LRGUK: variants seen among roughly 807,000 people sequenced by gnomAD.
The protein encoded by LRGUK is leucine rich repeats and guanylate kinase domain containing.
Under a neutral mutation model 76.0 loss-of-function variants are expected in LRGUK, and 65 were observed. That is an observed-to-expected ratio of 0.85 (90% confidence interval 0.70 to 1.05). The LOEUF (loss-of-function observed/expected upper bound fraction) is 1.05. LRGUK is among the 50% of genes least tolerant of loss of function. The pLI, the probability that LRGUK is intolerant of heterozygous loss-of-function variation, is 0.00. For synonymous variants in LRGUK, 268 were observed against 265.6 expected (o/e 1.01, Z -0.09); for missense variants, 758 against 732.8 (o/e 1.03, Z -0.40).
intron 5 of LRGUK, among the ~76,000 whole-genome samples, chr7:134,153,228 G>C (rs1241181122): frequency 6.6e-6 from 1 of 151,844 alleles, no homozygotes; most frequent in African/African-American, 2.4e-5. Context: ...AAAATCAGTT[G>C]AGCTAGTAAT....
chr7:134,258,193 CGT>C, intron 18 of LRGUK, 62 bp from the exon 19 acceptor site: 1 of 1,596,060 alleles, frequency 6.3e-7, no homozygotes, highest in South Asian at 1.1e-5. Context: ...AGGCATAGAT[CGT>C]GTGGCCATTA....
chr7:134,244,589 CT>C (rs1315325997), intron 16 of LRGUK, among the ~76,000 whole-genome samples: 1 of 152,172 alleles, frequency 6.6e-6, no homozygotes, highest in African/African-American at 2.4e-5. Context: ...AATAGGAATG[CT>C]TTTACACTGT....
intron 18 of LRGUK, among the ~76,000 whole-genome samples, chr7:134,251,747 T>C (rs1802452111): frequency 6.6e-6 from 1 of 152,206 alleles, no homozygotes; most frequent in South Asian, 2.1e-4. Context: ...CATCTATCAT[T>C]TGATAAAAAG....
intron 19 of LRGUK, among the ~76,000 whole-genome samples, chr7:134,261,172 T>C (rs1802715986): frequency 6.6e-6 from 1 of 152,184 alleles, no homozygotes; most frequent in African/African-American, 2.4e-5. Context: ...ATTTTGCTGA[T>C]ATACTGTAGT....
intron 4 of LRGUK, among the ~76,000 whole-genome samples, chr7:134,146,671 T>G (rs1797982784): frequency 6.6e-6 from 1 of 152,226 alleles, no homozygotes; most frequent in South Asian, 2.1e-4. Context: ...GCAATTGACT[T>G]CATCAGTTTT....
chr7:134,246,229 A>G (rs545355670), intron 16 of LRGUK, among the ~76,000 whole-genome samples: 76 of 152,220 alleles, frequency 5.0e-4, no homozygotes, highest in African/African-American at 1.8e-3. Context: ...ATCCCCCCCA[A>G]ATTTATACTG....
chr7:134,183,932 C>A, intron 11 of LRGUK, 79 bp downstream of exon 11: 1 of 1,514,762 alleles, frequency 6.6e-7, no homozygotes, highest in Non-Finnish European at 9.0e-7. Context: ...AGTAAAATCT[C>A]CGATATTGCT....
At chr7:134,148,207 A>G in intron 4 of LRGUK, 31 bp from the exon 5 acceptor site, 1 of 1,351,818 alleles carries the variant, frequency 7.4e-7, no homozygotes, top group Non-Finnish European at 1.0e-6. Context: ...TGAAATATTA[A>G]TATAACATCT....
At chr7:134,252,266 A>G (rs1802466280) in intron 18 of LRGUK, among the ~76,000 whole-genome samples, 1 of 151,956 alleles carries the variant, frequency 6.6e-6, no homozygotes, top group Non-Finnish European at 1.5e-5. Flanking sequence ...TGAACACAAG[A>G]GGTTAAAGCT....
rs1012788535 is a variant in LRGUK at position 134,199,546 on chromosome 7, G to T, written c.1747+125G>T. The T allele has an allele frequency of 3.1e-5, 23 of 737,832 alleles. 1 individual carries two copies. The African/African-American group carries it at 3.6e-4, about 11-fold the overall frequency. 45.7% of individuals were successfully genotyped at this position (737,832 alleles called of 1,614,324 possible). ...TTGTAACGGTGAATCACAAAGAGCTGCGAAAAGGGGTAAGAATCCAAGAGG... is the reference window on the plus strand; with the variant it reads ...TTGTAACGGTGAATCACAAAGAGCTTCGAAAAGGGGTAAGAATCCAAGAGG... On this transcript the variant is annotated intron_variant, in intron 14 of 15. Transcript: ENST00000645682.
chr7:134,221,964 A>G (rs767001050), intron 16 of LRGUK, 46 bp downstream of exon 16: 1 of 1,442,380 alleles, frequency 6.9e-7, no homozygotes, highest in Non-Finnish European at 9.1e-7. Flanking sequence ...AGCTCTATAC[A>G]ATGTCAGACA....
chr7:134,191,356 G>A (rs975208515), intron 11 of LRGUK, among the ~76,000 whole-genome samples: 48 of 152,182 alleles, frequency 3.2e-4, no homozygotes, highest in African/African-American at 1.2e-3. Context: ...TGAGTGATAA[G>A]TATTGATTTA....
chr7:134,252,811 C>A (rs1802481632), intron 18 of LRGUK, among the ~76,000 whole-genome samples: 1 of 152,114 alleles, frequency 6.6e-6, no homozygotes, highest in Admixed American at 6.5e-5. Flanking sequence ...CTATATCACC[C>A]CATTCCCTTA....
chr7:134,218,330 T>C (rs1801490703), intron 15 of LRGUK, among the ~76,000 whole-genome samples: 2 of 152,204 alleles, frequency 1.3e-5, no homozygotes, highest in African/African-American at 4.8e-5. Flanking sequence ...TGTTTCTAAG[T>C]CATCCATTTC....
At position 134,164,043 on chromosome 7, in the gene LRGUK, A is replaced by G. The variant is rs563746095; in HGVS notation, c.939+503A>G. On this transcript the variant is annotated intron_variant, in intron 7 of 15. Coordinates refer to ENST00000645682, the Ensembl canonical transcript of LRGUK. ...CAGAGATAGATTGTATAACATGGCG[A>G]TTATCGTTAATAAAAATATATTGTG... Among the ~76,000 whole-genome samples the G allele has an allele frequency of 2.6e-5, 4 of 152,294 alleles. No homozygotes were observed. The East Asian group carries it at 7.7e-4, about 29-fold the overall frequency.
downstream of LRGUK, among the ~76,000 whole-genome samples, chr7:134,266,561 C>T (rs926941883): frequency 2.0e-5 from 3 of 152,084 alleles, no homozygotes; most frequent in Admixed American, 2.0e-4. Flanking sequence ...AGGAAAAAAA[C>T]TTAATGAACC....
chr7:134,200,010 A>ATATATATATATG (rs1272359051), intron 14 of LRGUK, among the ~76,000 whole-genome samples: 7 of 129,294 alleles, frequency 5.4e-5, no homozygotes, highest in Middle Eastern at 3.9e-3. Flanking sequence ...ATATATATAT[A>ATATATATATATG]TATATATATA....
intron 2 of LRGUK, among the ~76,000 whole-genome samples, chr7:134,138,215 G>A (rs914553594): frequency 6.6e-6 from 1 of 152,106 alleles, no homozygotes; most frequent in Non-Finnish European, 1.5e-5. Context: ...ACTTCTGTAG[G>A]TAGTGCTATG....
At chr7:134,214,802 A>G (rs895637361), downstream of LRGUK, among the ~76,000 whole-genome samples, 4 of 149,516 alleles carry the variant, frequency 2.7e-5, no homozygotes, top group African/African-American at 7.6e-5. Context: ...ACACACACAC[A>G]CACACACACA....
Sources: gnomAD v4.1 joint callset for allele counts (sites outside exome capture counted in the v4.1 genomes callset) on GRCh38, gnomAD v4.1.1 for gene constraint, MANE v1.5 for transcripts, NCBI Gene and HGNC (gene_info 2026-07-23, HGNC 2026-07-21) for gene names.